DPP10: variants seen among roughly 807,000 people sequenced by gnomAD.
DPP10 encodes dipeptidyl peptidase like 10.
DPP10 carries 33 observed loss-of-function variants against 120.9 expected under a neutral mutation model. The observed-to-expected ratio is 0.27, with a 90% CI of 0.21 to 0.37. The LOEUF is 0.37. Ranked by LOEUF, DPP10 falls within the 10% of genes least tolerant of loss-of-function variation. The pLI, the probability that DPP10 is intolerant of heterozygous loss-of-function variation, is 1.00. For missense variants in DPP10, 816 were observed against 942.8 expected (o/e 0.87, Z 1.76); for synonymous variants, 337 against 326.1 (o/e 1.03, Z -0.36).
chr2:114,831,808 G>A (rs1687148414), intron 1 of DPP10, among the ~76,000 whole-genome samples: 1 of 149,474 alleles, frequency 6.7e-6, no homozygotes, highest in African/African-American at 2.5e-5. Context: ...GACTGGTTAT[G>A]TGTCTATATA....
At chr2:114,472,117 G>A (rs1369452882) in intron 1 of DPP10, among the ~76,000 whole-genome samples, 2 of 152,186 alleles carry the variant, frequency 1.3e-5, no homozygotes, top group African/African-American at 4.8e-5. Context: ...AGGCATTAAG[G>A]GAGAGATTGG....
intron 7 of DPP10, among the ~76,000 whole-genome samples, chr2:115,713,321 T>C (rs1490188177): frequency 6.6e-6 from 1 of 151,892 alleles, no homozygotes; most frequent in African/African-American, 2.4e-5. Flanking sequence ...GGTAAGTTGG[T>C]TGGTTATGGA....
At chr2:114,978,345 G>C (rs943957085) in intron 1 of DPP10, among the ~76,000 whole-genome samples, 2 of 152,024 alleles carry the variant, frequency 1.3e-5, no homozygotes, top group South Asian at 2.1e-4. Flanking sequence ...AGTAGGTCGG[G>C]GAAATGACCA....
At chr2:114,806,507 A>G (rs1346057569) in intron 1 of DPP10, among the ~76,000 whole-genome samples, 4 of 152,186 alleles carry the variant, frequency 2.6e-5, no homozygotes, top group African/African-American at 9.6e-5. Flanking sequence ...AAGTTTGCTT[A>G]TTTCTTTTCA....
chr2:114,689,555 C>T (rs1167506785), intron 1 of DPP10, among the ~76,000 whole-genome samples: 1 of 151,730 alleles, frequency 6.6e-6, no homozygotes, highest in Non-Finnish European at 1.5e-5. Context: ...TGTGTACATA[C>T]ATCTTCATAT....
intron 19 of DPP10, among the ~76,000 whole-genome samples, chr2:115,793,820 G>A (rs887348788): frequency 2.0e-5 from 3 of 151,826 alleles, no homozygotes; most frequent in African/African-American, 7.3e-5. Flanking sequence ...TATCGAAAGC[G>A]TCACAGAATG....
chr2:115,736,354 G>A (rs13011854), intron 8 of DPP10, among the ~76,000 whole-genome samples: 51,221 of 152,022 alleles, frequency 0.34, 9,177 homozygotes, highest in Middle Eastern at 0.46. Context: ...CAAAACTGAG[G>A]TAGAGCAGAC....
chr2:115,135,637 C>G (rs554334284), intron 1 of DPP10, among the ~76,000 whole-genome samples: 1 of 152,254 alleles, frequency 6.6e-6, no homozygotes, highest in Admixed American at 6.5e-5. Flanking sequence ...ATTCTCTTAC[C>G]TCCTGGAGAG....
intron 11 of DPP10, among the ~76,000 whole-genome samples, chr2:115,756,852 A>G (rs1309694939): frequency 6.6e-6 from 1 of 152,100 alleles, no homozygotes; most frequent in Non-Finnish European, 1.5e-5. Context: ...TTGCTGCATC[A>G]TCCCATGACA....
intron 1 of DPP10, among the ~76,000 whole-genome samples, chr2:114,878,965 C>T (rs1691383570): frequency 6.6e-6 from 1 of 151,856 alleles, no homozygotes; most frequent in African/African-American, 2.4e-5. Context: ...ACATATATAC[C>T]TGAAATTTTC....
At chr2:115,191,195 T>C (rs1214968149) in intron 1 of DPP10, among the ~76,000 whole-genome samples, 2 of 152,184 alleles carry the variant, frequency 1.3e-5, no homozygotes, top group East Asian at 3.9e-4. Context: ...AAAATGAATA[T>C]ATGTGGTTTT....
intron 5 of DPP10, among the ~76,000 whole-genome samples, chr2:115,565,673 C>T (rs191594641): frequency 5.3e-5 from 8 of 150,204 alleles, no homozygotes; most frequent in African/African-American, 9.8e-5. Flanking sequence ...TTAAGGAGTA[C>T]GGGACAATTA....
At chr2:115,387,993 A>G (rs2067066059) in intron 3 of DPP10, among the ~76,000 whole-genome samples, 1 of 152,212 alleles carries the variant, frequency 6.6e-6, no homozygotes, top group Non-Finnish European at 1.5e-5. Flanking sequence ...TTGCCCTGAC[A>G]GCTAACTTAC....
intron 9 of DPP10, among the ~76,000 whole-genome samples, chr2:115,743,720 C>T (rs1280480681): frequency 2.0e-5 from 3 of 150,990 alleles, no homozygotes; most frequent in Admixed American, 6.9e-5. Context: ...GACATATTCT[C>T]AAAGAAGTGT....
chr2:114,520,823 C>G (rs1353632773), intron 1 of DPP10, among the ~76,000 whole-genome samples: 1 of 152,120 alleles, frequency 6.6e-6, no homozygotes, highest in African/African-American at 2.4e-5. Flanking sequence ...TGCTGTGAAC[C>G]AAGATGATCC....
chr2:114,498,896 C>G (rs575965755), intron 1 of DPP10, among the ~76,000 whole-genome samples: 2 of 152,288 alleles, frequency 1.3e-5, no homozygotes, highest in Non-Finnish European at 2.9e-5. Context: ...TGGAACCAAC[C>G]TTAAGTGTCC....
rs186682149 is a variant in DPP10 at position 115,177,733 on chromosome 2, A to T, written c.61-131506A>T. Among the ~76,000 whole-genome samples the T allele has an allele frequency of 1.0e-3, 157 of 150,648 alleles. 2 individuals are homozygous for T. In the Middle Eastern group the frequency reaches 0.031, roughly 29 times the overall value. On this transcript the variant is annotated intron_variant, in intron 1 of 25. Coordinates refer to ENST00000410059, the MANE Select transcript of DPP10 (RefSeq NM_020868.6). ...AGACATGTTTATTTTGAAGTGTATA[A>T]CATTGCTTTTGTTTTGTTTTGTTTT...
chr2:114,669,163 TTC>T (rs1250613216), intron 1 of DPP10, among the ~76,000 whole-genome samples: 2 of 152,180 alleles, frequency 1.3e-5, no homozygotes, highest in Admixed American at 6.6e-5. Context: ...TATTTTAAAA[TTC>T]TGATTCATGT....
chr2:115,238,626 CT>C (rs1469923324), intron 1 of DPP10, among the ~76,000 whole-genome samples: 3 of 152,058 alleles, frequency 2.0e-5, no homozygotes, highest in Admixed American at 2.0e-4. Flanking sequence ...CCAGAAGTTC[CT>C]GAATTGCTGT....
Sources: gnomAD v4.1 joint callset for allele counts (sites outside exome capture counted in the v4.1 genomes callset) on GRCh38, gnomAD v4.1.1 for gene constraint, MANE v1.5 for transcripts, NCBI Gene and HGNC (gene_info 2026-07-23, HGNC 2026-07-21) for gene names.